Variants in BTN2A2 observed in about 807,000 individuals in gnomAD.
BTN2A2 encodes butyrophilin subfamily 2 member A2, also known as butyrophilin 2.
In BTN2A2, 29 loss-of-function variants were observed where a neutral mutation model predicts 34.7. The ratio of observed to expected loss-of-function variants is 0.84; its 90% CI spans 0.62 to 1.14. The LOEUF is 1.14. Ranked by LOEUF, BTN2A2 falls within the 50% of genes most tolerant of loss-of-function variation. The pLI is 0.00. For missense variants in BTN2A2, 612 were observed against 651.5 expected, an observed-to-expected ratio of 0.94 and a Z score of 0.66; for synonymous variants, 240 against 253.1, an observed-to-expected ratio of 0.95 and a Z score of 0.49.
intron 4 of BTN2A2, among the ~76,000 whole-genome samples, chr6:26,388,985 T>C (rs946661875): frequency 1.3e-5 from 2 of 152,020 alleles, no homozygotes; most frequent in Non-Finnish European, 2.9e-5. Context: ...CCGAGTGCGG[T>C]AGCAGGCGCC....
rs544319061 is a variant in BTN2A2 at position 26,386,782 on chromosome 6, C to T, written c.443-1231C>T. 1.3e-3 allele frequency among the ~76,000 whole-genome samples: 200 copies of T among 152,262 alleles called. 1 individual carries two copies. The highest frequency in any genetic ancestry group is 1.8e-3 in the Non-Finnish European group (121 of 68,028). On this transcript the variant is annotated intron_variant, in intron 3 of 7. Transcript: ENST00000356709. ...TTAAATCTATTGTGTCATGCTTACCCGTATTGAACCCATGGAATGTTTTGT... is the reference window on the plus strand; with the variant it reads ...TTAAATCTATTGTGTCATGCTTACCTGTATTGAACCCATGGAATGTTTTGT...
At position 26,385,253 on chromosome 6, in the gene BTN2A2, C is replaced by A. The variant is rs769686692; in HGVS notation, c.333C>A (p.Ser111Arg). 6.2e-7 allele frequency: 1 copy of A among 1,614,164 alleles called. No individual in the cohort carries two copies. ...TFVSKDINRGSVALVIHNVTA... is the reference protein window; with the variant it reads ...TFVSKDINRGRVALVIHNVTA... ...TGAGCAAAGACATCAACAGGGGCAG[C>A]GTGGCCCTGGTCATACATAACGTCA... The change falls in exon 3 of 8, where the codon AGC becomes AGA. Residue 111 changes from serine to arginine, a missense_variant. By Grantham distance (110) the Ser-to-Arg change is moderately radical. Transcript: ENST00000356709.
chr6:26,383,834 G>T lies in BTN2A2; in HGVS notation c.13G>T (p.Ala5Ser). ...GCCCTGGGTGCTCATGGAACCAGCT[G>T]CTGCTCTGCACTTCTCCCTGCCAGC... is the stretch of plus-strand genomic sequence containing the variant. MEPA[A>S]ALHFSLPASL... The change falls in exon 2 of 8, where the codon GCT becomes TCT. Residue 5 changes from alanine (A) to serine (S), a missense_variant. Physicochemically the swap from Ala to Ser is moderately conservative, Grantham distance 99. Transcript: ENST00000356709. This position sits in a 1 kb window ranked among gnomAD's most constrained non-coding sequence, Gnocchi z 4.4. 6.2e-7 allele frequency: 1 copy of T among 1,614,098 alleles called. No individual in the cohort carries two copies. The highest frequency in any genetic ancestry group is 8.5e-7 in the Non-Finnish European group (1 of 1,180,002).
chr6:26,390,758 A>G, intron 6 of BTN2A2, 45 bp from the exon 7 acceptor site: 2 of 1,614,254 alleles, frequency 1.2e-6, no homozygotes, highest in East Asian at 4.5e-5. Context: ...TGTTCTGCTT[A>G]CTTAGCAGTG....
chr6:26,393,699 A>G lies in BTN2A2; in HGVS notation c.*732A>G. 1.0e-6 allele frequency: 1 copy of G among 990,512 alleles called. No individual in the cohort carries two copies. Among genetic ancestry groups the G allele is most frequent in the Non-Finnish European group, 1.2e-6 (1 of 833,250 alleles). 61.4% of individuals were successfully genotyped at this position (990,512 alleles called of 1,614,324 possible). On this transcript the variant is annotated 3_prime_UTR_variant, in exon 8 of 8. Transcript: ENST00000356709. ...TTGAGGTTTGAGGTCCTGGTCGAGC[A>G]GGGCAGTACTGGACCAGGTCTACGT...
In BTN2A2 at chr6:26,385,295, G is replaced by A; in HGVS notation, c.375G>A (p.Gly125=). Residue 125 remains glycine, a synonymous_variant, in exon 3 of 8, where the codon GGG becomes GGA. Coordinates refer to ENST00000356709, the MANE Select transcript of BTN2A2 (RefSeq NM_006995.5). ...ATAACGTCACAGCCCAGGAGAATGG[G>A]ATCTACCGCTGTTACTTCCAAGAAG... The part of the protein sequence containing the change: ...VIHNVTAQEN[G]IYRCYFQEGR... The A allele has an allele frequency of 6.2e-7, 1 of 1,614,166 alleles. No individual in the cohort carries two copies. Among genetic ancestry groups the A allele is most frequent in the Non-Finnish European group, 8.5e-7 (1 of 1,180,032 alleles).
Position 26,390,033 on chromosome 6 carries a change from G to A in BTN2A2, c.753G>A (p.Trp251Ter). 1 of 1,614,044 alleles carries A rather than the reference G, an allele frequency of 6.2e-7. No individual in the cohort carries two copies. Among genetic ancestry groups the A allele is most frequent in the South Asian group, 1.1e-5 (1 of 91,074 alleles). The change falls in exon 5 of 8, where the codon TGG becomes TGA. Residue 251 changes from tryptophan (W) to a stop codon, truncating the protein, a stop_gained. Transcript: ENST00000356709. LOFTEE classifies it high-confidence loss of function. ...CCTTTATGCCCAGCGCATCTCCCTG[G>A]ATGGTGGCCCTAGCTGTCATCCTGA... ...PESFMPSASPWMVALAVILTA... is the reference protein window; with the variant it reads ...PESFMPSASP
Position 26,394,215 on chromosome 6 carries a change from G to A in BTN2A2, c.*1248G>A. On this transcript the variant is annotated 3_prime_UTR_variant, in exon 8 of 8. Transcript: ENST00000356709. ...GGGGACTCCTTAAGAGTACATCAGA[G>A]TTCTCTCTAGGAATCCCAAAACCAC... The A allele has an allele frequency of 4.3e-6, 3 of 692,884 alleles. No individual in the cohort carries two copies. The highest frequency in any genetic ancestry group is 1.5e-5 in the South Asian group (1 of 66,588). 42.9% of individuals were successfully genotyped at this position (692,884 alleles called of 1,614,324 possible). A position where few individuals can be genotyped will look rare whatever the true frequency, so the allele number is the denominator to read the frequency against.
chr6:26,389,142 C>T (rs927338466), intron 4 of BTN2A2, among the ~76,000 whole-genome samples: 29 of 151,506 alleles, frequency 1.9e-4, no homozygotes, highest in Non-Finnish European at 3.8e-4. Context: ...AAAGGGAGCG[C>T]GAGAGAGAGA....
In BTN2A2 at chr6:26,388,071, G is replaced by C; in HGVS notation, c.501G>C (p.Leu167=). ...IKAQEDGSIW[L]ECISGGWYPE... ...CCCAAGAGGATGGGAGCATCTGGCTGGAGTGCATATCTGGAGGGTGGTACC... is the reference window on the plus strand; with the variant it reads ...CCCAAGAGGATGGGAGCATCTGGCTCGAGTGCATATCTGGAGGGTGGTACC... The change falls in exon 4 of 8, where the codon CTG becomes CTC. Residue 167 remains leucine, a synonymous_variant. Transcript: ENST00000356709. The C allele has an allele frequency of 6.2e-7, 1 of 1,614,116 alleles. No individual in the cohort carries two copies. The highest frequency in any genetic ancestry group is 1.6e-4 in the Middle Eastern group (1 of 6,062).
intron 5 of BTN2A2, 75 bp downstream of exon 5, chr6:26,390,286 A>G (rs1486504771): frequency 7.0e-7 from 1 of 1,431,376 alleles, no homozygotes; most frequent in Non-Finnish European, 9.5e-7. Context: ...TAGGAGGACA[A>G]TTGACTGTCA....
Position 26,383,568 on chromosome 6 carries a change from G to A in BTN2A2, c.-30-224G>A, listed in dbSNP as rs1236795558. The A allele has an allele frequency of 4.2e-6, 2 of 472,546 alleles. No individual in the cohort carries two copies. The highest frequency in any genetic ancestry group is 7.6e-6 in the Non-Finnish European group (2 of 264,868). The allele number at this position is 472,546 out of a possible 1,614,324, so 29.3% of individuals were successfully genotyped here. A position where few individuals can be genotyped will look rare whatever the true frequency, so the allele number is the denominator to read the frequency against. ...GAAACCGGACTGTGGCCCGAGAAGT[G>A]GGAAGAGGAAGGAGGAAAACGGCCC... is the stretch of plus-strand genomic sequence containing the variant. On this transcript the variant is annotated intron_variant, in intron 1 of 7. Coordinates refer to ENST00000356709, the MANE Select transcript of BTN2A2 (RefSeq NM_006995.5). The surrounding 1 kb of genome is among the most constrained non-coding windows in gnomAD (Gnocchi z 4.4).
Position 26,393,194 on chromosome 6 carries a change from G to A in BTN2A2, c.*227G>A, listed in dbSNP as rs1761714780. On this transcript the variant is annotated 3_prime_UTR_variant, in exon 8 of 8. Transcript: ENST00000356709. Reference sequence around the variant, plus strand: ...GCTTGTAATTATGGGATGGGATCCAGGCATAGGGAACTAGTTGTTTCATAG... The same window carrying A: ...GCTTGTAATTATGGGATGGGATCCAAGCATAGGGAACTAGTTGTTTCATAG... 2 of 1,543,412 alleles carry A rather than the reference G, an allele frequency of 1.3e-6. No homozygotes were observed. The highest frequency in any genetic ancestry group is 4.6e-5 in the East Asian group (2 of 43,914).
chr6:26,388,029 C>T lies in BTN2A2; in HGVS notation c.459C>T (p.Pro153=). The change falls in exon 4 of 8, where the codon CCC becomes CCT. Residue 153 remains proline, a synonymous_variant. Transcript: ENST00000356709. ...RLVVAGLGSK[P]LIEIKAQEDG... ...CCTTTCCAGGCCTTGGGTCTAAGCC[C>T]CTCATTGAAATCAAGGCCCAAGAGG... 1 of 1,613,620 alleles carries T rather than the reference C, an allele frequency of 6.2e-7. No individual in the cohort carries two copies. The highest frequency in any genetic ancestry group is 2.2e-5 in the East Asian group (1 of 44,862).
intron 7 of BTN2A2, 132 bp from the exon 8 acceptor site, chr6:26,392,243 G>A: frequency 1.9e-6 from 3 of 1,556,496 alleles, no homozygotes; most frequent in Non-Finnish European, 2.6e-6. Context: ...CCTGGGATCA[G>A]GGGACCTTCA....
Position 26,390,944 on chromosome 6 carries a change from T to G in BTN2A2, c.979+115T>G, listed in dbSNP as rs997274512. On this transcript the variant is annotated intron_variant, in intron 7 of 7. Transcript: ENST00000356709. ...GGGCTACACAGGGACCATAGGGAACTGGGGTCAGTTCATCAACGGTGTCCC... is the reference window on the plus strand; with the variant it reads ...GGGCTACACAGGGACCATAGGGAACGGGGGTCAGTTCATCAACGGTGTCCC... 5 of 1,517,040 alleles carry G rather than the reference T, an allele frequency of 3.3e-6. No individual in the cohort carries two copies. In the African/African-American group the frequency reaches 4.1e-5, roughly 12 times the overall value. 94.0% of individuals were successfully genotyped at this position (1,517,040 alleles called of 1,614,324 possible).
chr6:26,389,326 T>C (rs1372483110), intron 4 of BTN2A2, among the ~76,000 whole-genome samples: 1 of 151,942 alleles, frequency 6.6e-6, no homozygotes. Context: ...ACTGTAAAGA[T>C]GGAAATTGAG....
chr6:26,388,663 T>C (rs748321637), intron 4 of BTN2A2, among the ~76,000 whole-genome samples: 1 of 152,196 alleles, frequency 6.6e-6, no homozygotes, highest in Non-Finnish European at 1.5e-5. Flanking sequence ...CTATGGGACT[T>C]CCCAAAGGAC....
rs777320173 is a variant in BTN2A2 at position 26,392,754 on chromosome 6, A to C, written c.1359A>C (p.Glu453Asp). 6.2e-7 allele frequency: 1 copy of C among 1,614,190 alleles called. No individual in the cohort carries two copies. Among genetic ancestry groups the C allele is most frequent in the East Asian group, 2.2e-5 (1 of 44,874 alleles). ...GGGTGGGCGTCTTCCTGGACTATGA[A>C]GCTGGAGATGTCTCCTTCTACAACA... Reference protein sequence around the residue: ...LCRVGVFLDYEAGDVSFYNMR... With the variant: ...LCRVGVFLDYDAGDVSFYNMR... The change falls in exon 8 of 8, where the codon GAA (glutamate) becomes GAC (aspartate). Residue 453 changes from glutamate to aspartate, a missense_variant. By Grantham distance (45) the Glu-to-Asp change is conservative. Coordinates refer to ENST00000356709, the MANE Select transcript of BTN2A2 (RefSeq NM_006995.5).
Sources: gnomAD v4.1 joint callset for allele counts (sites outside exome capture counted in the v4.1 genomes callset) on GRCh38, gnomAD v4.1.1 for gene constraint, Gnocchi (gnomAD v3.1) non-coding constraint, MANE v1.5 for transcripts, NCBI Gene and HGNC (gene_info 2026-07-23, HGNC 2026-07-21) for gene names.